WDR93: variants seen among roughly 807,000 people sequenced by gnomAD.
WDR93 encodes the protein WD repeat domain 93, also known as WD repeat-containing protein 93.
WDR93 carries 73 observed loss-of-function variants against 82.9 expected under a neutral mutation model. That is an observed-to-expected ratio of 0.88 (90% CI 0.73 to 1.07). WDR93 has a LOEUF of 1.07. Ranked by LOEUF, WDR93 falls within the 50% of genes least tolerant of loss-of-function variation. The probability of loss-of-function intolerance (pLI) is 0.00; values close to 1 mark genes in which losing one functional copy is unlikely to be tolerated. For synonymous variants in WDR93, 283 were observed against 300.1 expected (o/e 0.94, Z 0.59); for missense variants, 738 against 826.0 (o/e 0.89, Z 1.31).
At position 89,717,340 on chromosome 15, in the gene WDR93, G is replaced by A. The variant is rs980521623; in HGVS notation, c.795+391G>A. 1.6e-4 allele frequency among the ~76,000 whole-genome samples: 25 copies of A among 152,126 alleles called. 1 individual carries two copies. Among genetic ancestry groups the A allele is most frequent in the Admixed American group, 5.2e-4 (8 of 15,262 alleles). ...CTCCCAAAGTGCTGGGATTATAGGC[G>A]TGAGTCACCACACTGGGCCCAAGAT... On this transcript the variant is annotated intron_variant, in intron 7 of 16. Transcript: ENST00000268130.
chr15:89,738,166 G>C lies in WDR93; in HGVS notation c.1891G>C (p.Asp631His), dbSNP rs1310721632. The change falls in exon 16 of 17, where the codon GAC becomes CAC. Residue 631 changes from aspartate (D) to histidine (H), a missense_variant. Asp to His is a moderately conservative substitution (Grantham distance 81). Coordinates refer to ENST00000268130, the MANE Select transcript of WDR93 (RefSeq NM_020212.2). ...AAAAAATTGTACCATTCCTCAAAGG[G>C]ACTTGGATAACATGGCCTTCCCCCA... Reference protein sequence around the residue: ...ISKNCTIPQRDLDNMAFPQAL... With the variant: ...ISKNCTIPQRHLDNMAFPQAL... 2 of 1,614,186 alleles carry C rather than the reference G, an allele frequency of 1.2e-6. No individual in the cohort carries two copies. Among genetic ancestry groups the C allele is most frequent in the Non-Finnish European group, 1.7e-6 (2 of 1,180,010 alleles).
At chr15:89,696,445 A>G (rs961811309) in intron 1 of WDR93, among the ~76,000 whole-genome samples, 8 of 151,832 alleles carry the variant, frequency 5.3e-5, no homozygotes, top group African/African-American at 1.9e-4. Context: ...TGTCATAAAC[A>G]TTTGTGTAGA....
At chr15:89,712,583 T>C (rs1164391843) in intron 5 of WDR93, among the ~76,000 whole-genome samples, 5 of 152,024 alleles carry the variant, frequency 3.3e-5, no homozygotes, top group Non-Finnish European at 7.4e-5. Flanking sequence ...TTGTCTGATA[T>C]TTTTCTCATA....
chr15:89,695,258 T>A (rs1473820988), intron 1 of WDR93, among the ~76,000 whole-genome samples: 1 of 152,226 alleles, frequency 6.6e-6, no homozygotes, highest in African/African-American at 2.4e-5. Flanking sequence ...TTCCAACTCA[T>A]AAATAAGGTA....
chr15:89,711,444 TG>T (rs1965970722), intron 4 of WDR93, among the ~76,000 whole-genome samples: 1 of 151,436 alleles, frequency 6.6e-6, no homozygotes, highest in South Asian at 2.1e-4. Flanking sequence ...GAAGATCACT[TG>T]CAAGCCAGGA....
In WDR93 at chr15:89,738,028, T is replaced by C. The variant is rs200722282; in HGVS notation, c.1766-13T>C. 108 of 1,597,124 alleles carry C rather than the reference T, an allele frequency of 6.8e-5. No homozygotes were observed. Among genetic ancestry groups the C allele is most frequent in the Non-Finnish European group, 1.6e-5 (19 of 1,171,622 alleles). On this transcript the variant is annotated splice_polypyrimidine_tract_variant and intron_variant, in intron 15 of 16. Transcript: ENST00000268130. ...ATTGTTACACAGAACATGGTGTTCT[T>C]GTCTCGTCACAGGAGACTATTCACA...
rs1596071423 is a variant in WDR93 at position 89,702,055 on chromosome 15, G to A, written c.303+6G>A. 2 of 1,597,602 alleles carry A rather than the reference G, an allele frequency of 1.3e-6. No individual in the cohort carries two copies. The highest frequency in any genetic ancestry group is 1.7e-6 in the Non-Finnish European group (2 of 1,168,970). ...CTCCACTTGGAGAAATCCAGGTATG[G>A]AGTAAGCAGTTGACCAGGAGCCCCT... On this transcript the variant is annotated splice_donor_region_variant and intron_variant, in intron 2 of 16. Transcript: ENST00000268130.
intron 3 of WDR93, chr15:89,704,651 G>C (rs1354993489): frequency 1.3e-5 from 2 of 152,084 alleles, no homozygotes; most frequent in African/African-American, 4.8e-5. Flanking sequence ...AAGATTTCAG[G>C]GTTCTGTGAG....
chr15:89,709,576 G>C (rs1965869973), intron 4 of WDR93, among the ~76,000 whole-genome samples: 1 of 151,600 alleles, frequency 6.6e-6, no homozygotes, highest in South Asian at 2.1e-4. Context: ...CTCCAAATCA[G>C]TAATAAAAAG....
intron 16 of WDR93, 50 bp downstream of exon 16, chr15:89,738,286 G>T: frequency 6.6e-7 from 1 of 1,515,332 alleles, no homozygotes; most frequent in Non-Finnish European, 8.9e-7. Context: ...GTTGTCTCTG[G>T]ATTGAGGGAT....
intron 1 of WDR93, among the ~76,000 whole-genome samples, chr15:89,693,011 A>C (rs572766199): frequency 6.6e-6 from 1 of 152,154 alleles, no homozygotes; most frequent in Non-Finnish European, 1.5e-5. Context: ...TATTTTACTT[A>C]GCATAATGCA....
chr15:89,738,929 A>T (rs765621150), intron 16 of WDR93, among the ~76,000 whole-genome samples: 5 of 152,068 alleles, frequency 3.3e-5, no homozygotes, highest in Non-Finnish European at 7.3e-5. Context: ...AGCCTGGCCA[A>T]CATGGCGAAA....
rs183101143 is a variant in WDR93, at chr15:89,708,575, G to A, written c.561+2957G>A. On this transcript the variant is annotated intron_variant, in intron 4 of 16. Transcript: ENST00000268130. ...AGAGCGTCATTGCAATGAAAATTTC[G>A]GAAACAGATGATTCAATGTCAGGAA... Among the ~76,000 whole-genome samples, 62 of 152,226 alleles carry A rather than the reference G, an allele frequency of 4.1e-4. 1 individual carries two copies. Among genetic ancestry groups the A allele is most frequent in the African/African-American group, 1.3e-3 (53 of 41,536 alleles).
chr15:89,736,238 C>T (rs1427295556), intron 14 of WDR93, among the ~76,000 whole-genome samples: 2 of 152,136 alleles, frequency 1.3e-5, no homozygotes, highest in African/African-American at 4.8e-5. Flanking sequence ...GGGAAGCGTG[C>T]GCGGTTGATC....
chr15:89,742,815 G>T (rs1967785717), intron 16 of WDR93, among the ~76,000 whole-genome samples: 1 of 152,180 alleles, frequency 6.6e-6, no homozygotes, highest in Non-Finnish European at 1.5e-5. Flanking sequence ...TTACAGGCGT[G>T]AGCCACCGCG....
At chr15:89,732,165 T>C (rs1280449459) in intron 12 of WDR93, among the ~76,000 whole-genome samples, 11 of 152,188 alleles carry the variant, frequency 7.2e-5, no homozygotes, top group Non-Finnish European at 1.5e-4. Flanking sequence ...CCGGACTTTG[T>C]TAAAGGCCAG....
intron 1 of WDR93, among the ~76,000 whole-genome samples, chr15:89,701,337 C>T (rs1382514343): frequency 6.6e-6 from 1 of 152,072 alleles, no homozygotes; most frequent in Non-Finnish European, 1.5e-5. Flanking sequence ...GCTCACTGCC[C>T]ACCTGGCTTG....
intron 8 of WDR93, among the ~76,000 whole-genome samples, chr15:89,722,563 T>A (rs924464197): frequency 1.3e-5 from 2 of 152,170 alleles, no homozygotes; most frequent in Non-Finnish European, 2.9e-5. Context: ...ACTCTAGAAG[T>A]TGATAGTCTA....
At chr15:89,715,795 A>T (rs1966221383) in intron 6 of WDR93, among the ~76,000 whole-genome samples, 1 of 152,186 alleles carries the variant, frequency 6.6e-6, no homozygotes, top group Non-Finnish European at 1.5e-5. Context: ...TGTGTTAGCC[A>T]GGATGGTCTC....
Sources: allele counts gnomAD v4.1 joint callset (sites outside exome capture counted in the v4.1 genomes callset), GRCh38; gene constraint gnomAD v4.1.1; transcripts MANE v1.5; gene names NCBI Gene and HGNC (gene_info 2026-07-23, HGNC 2026-07-21).